TNFSF4: variants seen among roughly 807,000 people sequenced by gnomAD.
TNFSF4 encodes TNF superfamily member 4, also known as tumor necrosis factor ligand superfamily member 4.
In TNFSF4, 4 loss-of-function variants were observed where a neutral mutation model predicts 7.3. The ratio of observed to expected loss-of-function variants is 0.55; its 90% confidence interval spans 0.27 to 1.25. The LOEUF (loss-of-function observed/expected upper bound fraction) is 1.25. Among genes scored for constraint, TNFSF4 ranks in the 50% most tolerant of loss-of-function variants. The pLI is 0.12. For missense variants in TNFSF4, 181 were observed against 208.8 expected (o/e 0.87, Z 0.82); for synonymous variants, 76 against 83.7 (o/e 0.91, Z 0.50).
the TNFSF4 span, among the ~76,000 whole-genome samples, chr1:173,317,921 C>T: frequency 5.3e-5 from 8 of 152,126 alleles, no homozygotes; most frequent in East Asian, 1.9e-4. Context: ...ACCATCAGTA[C>T]GAATTATAAA....
chr1:173,244,658 C>CA, the TNFSF4 span, among the ~76,000 whole-genome samples: 14,068 of 135,628 alleles, frequency 0.1, 1,029 homozygotes, highest in African/African-American at 0.18. Flanking sequence ...AAACAAAAAA[C>CA]AAAAAAAACA....
chr1:173,405,170 G>C, the TNFSF4 span, among the ~76,000 whole-genome samples: 1 of 152,114 alleles, frequency 6.6e-6, no homozygotes, highest in Non-Finnish European at 1.5e-5. Flanking sequence ...AAGTCCCAAG[G>C]TAAAGGGCTA....
the TNFSF4 span, among the ~76,000 whole-genome samples, chr1:173,283,787 T>C: frequency 2.0e-5 from 3 of 151,950 alleles, no homozygotes; most frequent in Non-Finnish European, 4.4e-5. Context: ...ATTTTATTTA[T>C]AAGAAAACCA....
At chr1:173,280,915 A>G in the TNFSF4 span, among the ~76,000 whole-genome samples, 1 of 152,156 alleles carries the variant, frequency 6.6e-6, no homozygotes, top group African/African-American at 2.4e-5. Context: ...CTCCCGGGCA[A>G]TAACCTACTT....
At chr1:173,438,586 T>C in the TNFSF4 span, among the ~76,000 whole-genome samples, 7 of 152,340 alleles carry the variant, frequency 4.6e-5, no homozygotes, top group African/African-American at 1.7e-4. Flanking sequence ...TGCCTCTTAA[T>C]TTTATTATAT....
the TNFSF4 span, among the ~76,000 whole-genome samples, chr1:173,426,671 G>T: frequency 0.8 from 121,137 of 152,038 alleles, 48,332 homozygotes; most frequent in South Asian, 0.88. Context: ...CACAGCTCAC[G>T]GCAGCCTCAA....
At chr1:173,378,404 C>G in the TNFSF4 span, among the ~76,000 whole-genome samples, 1 of 152,150 alleles carries the variant, frequency 6.6e-6, no homozygotes, top group Admixed American at 6.5e-5. Flanking sequence ...GAGAAACAAA[C>G]AAACCAAAAC....
At chr1:173,440,765 A>AT in the TNFSF4 span, 1 of 152,316 alleles carries the variant, frequency 6.6e-6, no homozygotes, top group East Asian at 1.9e-4. Flanking sequence ...AAATAGGTTT[A>AT]TTTTTTAATA....
At chr1:173,253,515 A>T in the TNFSF4 span, among the ~76,000 whole-genome samples, 1 of 152,174 alleles carries the variant, frequency 6.6e-6, no homozygotes, top group Non-Finnish European at 1.5e-5. Flanking sequence ...TAGGCCTTGC[A>T]ATTCAACCTT....
chr1:173,383,076 T>C, the TNFSF4 span, among the ~76,000 whole-genome samples: 4 of 152,264 alleles, frequency 2.6e-5, no homozygotes, highest in East Asian at 1.9e-4. Context: ...CCAACATACG[T>C]TGGGAGATGA....
At chr1:173,346,694 T>C in the TNFSF4 span, among the ~76,000 whole-genome samples, 1 of 152,186 alleles carries the variant, frequency 6.6e-6, no homozygotes, top group Admixed American at 6.5e-5. Context: ...TTTTAAATTA[T>C]TAACCCACCT....
At chr1:173,304,915 C>G in the TNFSF4 span, among the ~76,000 whole-genome samples, 1 of 151,958 alleles carries the variant, frequency 6.6e-6, no homozygotes, top group Non-Finnish European at 1.5e-5. Context: ...AGTGCTATCT[C>G]TTGAAGAGAA....
the TNFSF4 span, among the ~76,000 whole-genome samples, chr1:173,250,695 G>C: frequency 4.6e-5 from 7 of 152,048 alleles, no homozygotes; most frequent in African/African-American, 7.2e-5. Flanking sequence ...TTCTGACCTC[G>C]TGATCCGCCC....
the TNFSF4 span, among the ~76,000 whole-genome samples, chr1:173,405,466 C>A: frequency 2.0e-5 from 3 of 152,328 alleles, no homozygotes; most frequent in Admixed American, 2.0e-4. Context: ...CACAGTTTAC[C>A]AATCCCTGAG....
the TNFSF4 span, among the ~76,000 whole-genome samples, chr1:173,333,970 T>C: frequency 7.2e-5 from 11 of 152,024 alleles, no homozygotes; most frequent in Non-Finnish European, 1.5e-4. Flanking sequence ...GGTCTTCAGC[T>C]TGCTAACTCA....
the TNFSF4 span, among the ~76,000 whole-genome samples, chr1:173,299,889 G>A: frequency 1.3e-5 from 2 of 151,706 alleles, no homozygotes; most frequent in Non-Finnish European, 2.9e-5. Context: ...TGTAGTGTCA[G>A]GGGTAGGCTG....
At chr1:173,346,437 G>A in the TNFSF4 span, among the ~76,000 whole-genome samples, 1 of 152,096 alleles carries the variant, frequency 6.6e-6, no homozygotes, top group Non-Finnish European at 1.5e-5. Context: ...CCCACTGAAG[G>A]ACCAAAAGGA....
chr1:173,339,299 T>G, the TNFSF4 span, among the ~76,000 whole-genome samples: 1 of 152,138 alleles, frequency 6.6e-6, no homozygotes, highest in Non-Finnish European at 1.5e-5. Context: ...GGAGGTTCAC[T>G]TGAGCCCAGG....
In TNFSF4 at chr1:173,185,242, G is replaced by A. The variant is rs1336875793; in HGVS notation, c.*1274C>T. The A allele has an allele frequency of 6.6e-6, 1 of 152,216 alleles. No individual in the cohort carries two copies. Among genetic ancestry groups the A allele is most frequent in the Non-Finnish European group, 1.5e-5 (1 of 68,034 alleles). The allele number at this position is 152,216 out of a possible 1,614,324, so 9.4% of individuals were successfully genotyped here. ...TTATGTTTATAAAAGGTTTGGCACA[G>A]AGAAGTTACAAATCATCTGGAAAGT... On this transcript the variant is annotated 3_prime_UTR_variant, in exon 3 of 3. Coordinates refer to ENST00000281834, the MANE Select transcript of TNFSF4 (RefSeq NM_003326.5).
Sources: gnomAD v4.1 joint callset for allele counts (sites outside exome capture counted in the v4.1 genomes callset) on GRCh38, gnomAD v4.1.1 for gene constraint, MANE v1.5 for transcripts, NCBI Gene and HGNC (gene_info 2026-07-23, HGNC 2026-07-21) for gene names.